Variants in NECTIN2 observed in about 807,000 individuals in gnomAD.
NECTIN2 encodes nectin-2.
NECTIN2 carries 23 observed loss-of-function variants against 56.9 expected under a neutral mutation model. The observed-to-expected ratio is 0.40, with a 90% CI of 0.29 to 0.57. The LOEUF is 0.57. Ranked by LOEUF, NECTIN2 falls within the 20% of genes least tolerant of loss-of-function variation. The pLI is 0.38. For synonymous variants in NECTIN2, 302 were observed against 313.8 expected (o/e 0.96, Z 0.40); for missense variants, 587 against 718.3 (o/e 0.82, Z 2.09).
chr19:44,871,767 G>T, intron 2 of NECTIN2, 86 bp from the exon 3 acceptor site: 1 of 1,443,818 alleles, frequency 6.9e-7, no homozygotes, highest in South Asian at 1.3e-5. Context: ...CCGGCAGTTA[G>T]GGCCTAACCA....
intron 1 of NECTIN2, among the ~76,000 whole-genome samples, chr19:44,849,897 CTG>C (rs1300208926): frequency 1.3e-5 from 2 of 152,122 alleles, no homozygotes; most frequent in Non-Finnish European, 2.9e-5. Flanking sequence ...ATGGCTAACT[CTG>C]AATATACAAA....
chr19:44,863,850 A>T (rs1451577437), intron 1 of NECTIN2, among the ~76,000 whole-genome samples: 2 of 150,330 alleles, frequency 1.3e-5, no homozygotes, highest in African/African-American at 4.9e-5. Flanking sequence ...TCAAAAAAAA[A>T]AAAGAAACTT....
Position 44,865,620 on chromosome 19 carries a change from C to T in NECTIN2, c.438C>T (p.Pro146=). The change falls in exon 2 of 9, where the codon CCC becomes CCT. Residue 146 remains proline (P), a synonymous_variant. Transcript: ENST00000252483. The surrounding 1 kb of genome is among the most constrained non-coding windows in gnomAD (Gnocchi z 5.2). The stretch of plus-strand genomic sequence containing the variant: ...ACACTTGCGAGTTTGCCACCTTCCC[C>T]AAGGGGTCCGTCCGAGGGATGACCT... ...GNYTCEFATF[P]KGSVRGMTWL... is the part of the protein sequence containing the mutation. 1.3e-6 allele frequency: 2 copies of T among 1,538,312 alleles called. No homozygotes were observed. Among genetic ancestry groups the T allele is most frequent in the Non-Finnish European group, 1.7e-6 (2 of 1,146,222 alleles).
At chr19:44,864,979 G>T (rs559752947) in intron 1 of NECTIN2, among the ~76,000 whole-genome samples, 1 of 152,182 alleles carries the variant, frequency 6.6e-6, no homozygotes, top group African/African-American at 2.4e-5. Context: ...GAAAAATAGT[G>T]TGTGCACAGC....
At chr19:44,884,711 A>G (rs1456446855) in intron 6 of NECTIN2, among the ~76,000 whole-genome samples, 1 of 152,100 alleles carries the variant, frequency 6.6e-6, no homozygotes, top group Admixed American at 6.5e-5. Flanking sequence ...AAGCTCTGAG[A>G]AGCCAGAGGG....
At chr19:44,880,774 ATTT>A (rs750316064) in intron 5 of NECTIN2, among the ~76,000 whole-genome samples, 4 of 122,092 alleles carry the variant, frequency 3.3e-5, no homozygotes, top group Admixed American at 8.4e-5. Flanking sequence ...CCCCTGGCTA[ATTT>A]TTTTTTTTTT....
At chr19:44,866,173 TA>T (rs57550705) in intron 2 of NECTIN2, among the ~76,000 whole-genome samples, 23,270 of 142,666 alleles carry the variant, frequency 0.16, 2,184 homozygotes, top group East Asian at 0.46. Context: ...AGACTCGGTC[TA>T]AAAAAAAAAA....
intron 8 of NECTIN2, 117 bp downstream of exon 8, chr19:44,886,336 C>A: frequency 1.2e-6 from 1 of 808,224 alleles, no homozygotes. Context: ...AGGGTGTGTC[C>A]CCGGTTGGTG....
chr19:44,846,740 C>A lies in NECTIN2; in HGVS notation c.88+127C>A, dbSNP rs1341517095. On this transcript the variant is annotated intron_variant, in intron 1 of 8. Transcript: ENST00000252483. ...CGAGCCCCCTCTCGCGTGCCCCCTT[C>A]CTGGCTGGCCCCACAGACTCCGACC... The A allele has an allele frequency of 4.5e-5, 50 of 1,113,048 alleles. 1 individual carries two copies. Among genetic ancestry groups the A allele is most frequent in the Non-Finnish European group, 6.1e-5 (50 of 816,784 alleles). 68.9% of individuals were successfully genotyped at this position (1,113,048 alleles called of 1,614,324 possible).
chr19:44,862,665 T>G (rs1969046813), intron 1 of NECTIN2, among the ~76,000 whole-genome samples: 1 of 151,994 alleles, frequency 6.6e-6, no homozygotes, highest in Non-Finnish European at 1.5e-5. Context: ...ATTGGAATAA[T>G]GGACAGTGGA....
chr19:44,857,974 T>C (rs937560126), intron 1 of NECTIN2, among the ~76,000 whole-genome samples: 1 of 152,194 alleles, frequency 6.6e-6, no homozygotes, highest in Admixed American at 6.5e-5. Flanking sequence ...ATTGATTGGC[T>C]ATGCACTGTT....
intron 5 of NECTIN2, among the ~76,000 whole-genome samples, chr19:44,880,692 G>A (rs546130467): frequency 6.6e-6 from 1 of 150,578 alleles, no homozygotes; most frequent in Non-Finnish European, 1.5e-5. Flanking sequence ...AAACTCCTGG[G>A]CTCAAGCGAT....
chr19:44,870,995 G>T (rs1361121853), intron 2 of NECTIN2, among the ~76,000 whole-genome samples: 8 of 152,148 alleles, frequency 5.3e-5, no homozygotes, highest in Non-Finnish European at 1.2e-4. Flanking sequence ...CTCCCAAAGT[G>T]CTGGGATTAC....
rs140445072 is a variant in NECTIN2 at position 44,888,163 on chromosome 19, G to A, written c.1401G>A (p.Leu467=). Residue 467 remains leucine, a synonymous_variant, in exon 9 of 9, where the codon TTG becomes TTA. Transcript: ENST00000252483. ...LPTLEERSGP[L]HPGATSLGSP... ...CCTTGGAAGAACGGTCAGGACCCTT[G>A]CACCCTGGAGCCACAAGCCTGGGGT... 290 of 1,614,150 alleles carry A rather than the reference G, an allele frequency of 1.8e-4. No homozygotes were observed. The African/African-American group carries it at 3.4e-3, about 19-fold the overall frequency.
intron 1 of NECTIN2, among the ~76,000 whole-genome samples, chr19:44,850,345 A>G (rs1968885592): frequency 6.6e-6 from 1 of 152,144 alleles, no homozygotes; most frequent in Admixed American, 6.6e-5. Context: ...CAGGGATACC[A>G]TTAAAAGACT....
At chr19:44,881,793 C>T (rs953427143) in intron 5 of NECTIN2, among the ~76,000 whole-genome samples, 94 of 152,338 alleles carry the variant, frequency 6.2e-4, no homozygotes, top group African/African-American at 2.2e-3. Flanking sequence ...CTCTTTCAGG[C>T]CCTTGCTCAG....
At chr19:44,847,729 G>C (rs1968852596) in intron 1 of NECTIN2, among the ~76,000 whole-genome samples, 2 of 152,196 alleles carry the variant, frequency 1.3e-5, no homozygotes, top group African/African-American at 4.8e-5. Flanking sequence ...GAGGGGCGGG[G>C]CGGGCGCTCC....
intron 8 of NECTIN2, among the ~76,000 whole-genome samples, chr19:44,886,518 C>T (rs933361012): frequency 2.0e-5 from 3 of 151,854 alleles, no homozygotes; most frequent in Non-Finnish European, 4.4e-5. Flanking sequence ...GTCAGGAGTT[C>T]GAGACCAGCC....
chr19:44,882,139 G>A (rs1293352834), intron 5 of NECTIN2, 72 bp from the exon 6 acceptor site: 24 of 1,300,950 alleles, frequency 1.8e-5, no homozygotes, highest in Non-Finnish European at 2.2e-5. Context: ...GATGTGGGGT[G>A]GGATGGTCGC....
Sources: gnomAD v4.1 joint callset for allele counts (sites outside exome capture counted in the v4.1 genomes callset) on GRCh38, gnomAD v4.1.1 for gene constraint, Gnocchi (gnomAD v3.1) non-coding constraint, MANE v1.5 for transcripts, NCBI Gene and HGNC (gene_info 2026-07-23, HGNC 2026-07-21) for gene names.